The following LSAMP variants were observed in gnomAD, a reference collection of about 807,000 sequenced individuals.
The protein encoded by LSAMP is limbic system associated membrane protein, also known as limbic system-associated membrane protein.
LSAMP carries 7 observed loss-of-function variants against 38.6 expected under a neutral mutation model. The observed-to-expected ratio is 0.18, with a 90% CI of 0.10 to 0.34. The LOEUF is 0.34. Ranked by LOEUF, LSAMP falls within the 10% of genes least tolerant of loss-of-function variation. LSAMP has a pLI of 1.00. For missense variants in LSAMP, 313 were observed against 420.0 expected, an observed-to-expected ratio of 0.75 and a Z score of 2.23; for synonymous variants, 154 against 166.8, an observed-to-expected ratio of 0.92 and a Z score of 0.59.
At chr3:116,279,938 A>G (rs190842087) in intron 1 of LSAMP, among the ~76,000 whole-genome samples, 1 of 152,310 alleles carries the variant, frequency 6.6e-6, no homozygotes, top group African/African-American at 2.4e-5. Flanking sequence ...CTATTATTTA[A>G]GTTCAATACC....
chr3:116,438,181 G>C lies in LSAMP; in HGVS notation c.155+6696C>G, dbSNP rs370132205. The stretch of plus-strand genomic sequence containing the variant: ...ATAATAAAAACATCGTAGTGCAAAT[G>C]GCCTGTGTATAGCATAGAAATAAGA... On this transcript the variant is annotated intron_variant, in intron 1 of 6. Coordinates refer to ENST00000490035, the MANE Select transcript of LSAMP (RefSeq NM_002338.5). Among the ~76,000 whole-genome samples the C allele has an allele frequency of 9.2e-5, 14 of 151,784 alleles. No individual in the cohort carries two copies. The East Asian group carries it at 2.7e-3, about 29-fold the overall frequency.
At chr3:115,867,511 G>T (rs575768483) in intron 3 of LSAMP, among the ~76,000 whole-genome samples, 1 of 152,178 alleles carries the variant, frequency 6.6e-6, no homozygotes, top group South Asian at 2.1e-4. Context: ...TATCTGACCC[G>T]CTGTGCTGAG....
chr3:116,403,687 T>C (rs1480068304), intron 1 of LSAMP, among the ~76,000 whole-genome samples: 3 of 152,192 alleles, frequency 2.0e-5, no homozygotes, highest in Non-Finnish European at 4.4e-5. Flanking sequence ...AGTGAATGTG[T>C]CTCATACATG....
intron 1 of LSAMP, among the ~76,000 whole-genome samples, chr3:116,391,719 G>A (rs2048701667): frequency 6.6e-6 from 1 of 152,200 alleles, no homozygotes; most frequent in Non-Finnish European, 1.5e-5. Flanking sequence ...CGTCTGGAGC[G>A]GCTGGAGCAT....
rs200826305 is a variant in LSAMP at position 116,058,764 on chromosome 3, G to T, written c.388+27560C>A. Among the ~76,000 whole-genome samples the T allele has an allele frequency of 8.6e-4, 131 of 152,268 alleles. 2 individuals carry two copies. Among genetic ancestry groups the T allele is most frequent in the East Asian group, 7.5e-3 (39 of 5,184 alleles). On this transcript the variant is annotated intron_variant, in intron 2 of 6. Transcript: ENST00000490035. ...TCAAATTCAGAACACTTTAGGAATA[G>T]AAAAAGCACAAACCCTATTTATATC... is the stretch of plus-strand genomic sequence containing the variant.
chr3:115,963,231 T>C (rs1210898812), intron 3 of LSAMP, among the ~76,000 whole-genome samples: 1 of 152,238 alleles, frequency 6.6e-6, no homozygotes, highest in Non-Finnish European at 1.5e-5. Flanking sequence ...ACATGTACCA[T>C]AATTAATCCA....
intron 3 of LSAMP, among the ~76,000 whole-genome samples, chr3:115,873,483 C>A (rs1024341752): frequency 6.6e-6 from 1 of 151,642 alleles, no homozygotes; most frequent in Non-Finnish European, 1.5e-5. Flanking sequence ...CAGAGCAAAT[C>A]TAGAAAATAA....
intron 3 of LSAMP, among the ~76,000 whole-genome samples, chr3:115,951,104 A>G (rs1363358687): frequency 1.3e-5 from 2 of 152,230 alleles, no homozygotes; most frequent in African/African-American, 4.8e-5. Flanking sequence ...CTAATTTCTT[A>G]CCTTATACAA....
At chr3:116,342,311 C>T (rs1477084871) in intron 1 of LSAMP, among the ~76,000 whole-genome samples, 1 of 151,994 alleles carries the variant, frequency 6.6e-6, no homozygotes, top group Non-Finnish European at 1.5e-5. Context: ...AATTGAATGT[C>T]CTCATCCTTA....
intron 6 of LSAMP, among the ~76,000 whole-genome samples, chr3:115,833,696 T>C (rs1467852685): frequency 1.3e-5 from 2 of 152,180 alleles, no homozygotes. Context: ...ATGGTGTGTA[T>C]GATAATCTTG....
chr3:116,282,666 G>A (rs973615401), intron 1 of LSAMP, among the ~76,000 whole-genome samples: 2 of 152,062 alleles, frequency 1.3e-5, no homozygotes, highest in Non-Finnish European at 2.9e-5. Context: ...AGCAAAAAAT[G>A]CTCTGGAATG....
chr3:115,995,704 A>G (rs1355520853), intron 3 of LSAMP, among the ~76,000 whole-genome samples: 1 of 152,102 alleles, frequency 6.6e-6, no homozygotes, highest in Non-Finnish European at 1.5e-5. Context: ...AATTGACTTT[A>G]CATGTTAGTA....
intron 1 of LSAMP, among the ~76,000 whole-genome samples, chr3:116,397,224 T>A (rs1458174782): frequency 6.6e-6 from 1 of 152,150 alleles, no homozygotes; most frequent in Non-Finnish European, 1.5e-5. Context: ...TTTGATTTCA[T>A]GTATTTTCTC....
intron 2 of LSAMP, among the ~76,000 whole-genome samples, chr3:116,064,008 G>C (rs971392103): frequency 1.3e-5 from 2 of 152,198 alleles, no homozygotes; most frequent in African/African-American, 4.8e-5. Flanking sequence ...TGGTAACATA[G>C]AGTAATGAAT....
intron 3 of LSAMP, among the ~76,000 whole-genome samples, chr3:115,877,746 C>T (rs1470544085): frequency 6.6e-6 from 1 of 152,132 alleles, no homozygotes; most frequent in Non-Finnish European, 1.5e-5. Context: ...AGCTTCTAAT[C>T]ACGTGGGCAT....
At position 115,869,269 on chromosome 3, in the gene LSAMP, GGAGAGA is replaced by G. The variant is rs35112915; in HGVS notation, c.515-16658_515-16653del. Among the ~76,000 whole-genome samples, 776 of 128,506 alleles carry G rather than the reference GGAGAGA, an allele frequency of 6.0e-3. 3 individuals are homozygous for G. Among genetic ancestry groups the G allele is most frequent in the Non-Finnish European group, 0.01 (600 of 59,014 alleles). 84.3% of individuals were successfully genotyped at this position (128,506 alleles called of 152,430 possible). On this transcript the variant is annotated intron_variant, in intron 3 of 6. Coordinates refer to ENST00000490035, the MANE Select transcript of LSAMP (RefSeq NM_002338.5). The stretch of plus-strand genomic sequence containing the variant: ...CCTTCATAACCTCTATCTTGGAGGG[GGAGAGA>G]GAGAGAGAGAGAGAGAGAGAGAGAG...
At chr3:116,425,619 C>T (rs892215244) in intron 1 of LSAMP, among the ~76,000 whole-genome samples, 4 of 152,050 alleles carry the variant, frequency 2.6e-5, no homozygotes, top group African/African-American at 7.2e-5. Context: ...CCAAGTTACT[C>T]CTGTAATCTC....
chr3:116,184,620 G>A lies in LSAMP; in HGVS notation c.156-98064C>T, dbSNP rs140337641. Among the ~76,000 whole-genome samples the A allele has an allele frequency of 3.3e-3, 498 of 152,056 alleles. 3 individuals carry two copies. The highest frequency in any genetic ancestry group is 0.011 in the African/African-American group (469 of 41,544). ...TTTAGCAGGAGGGTTTGAAGATTGTGTTGCAGGTACCTGCAGGCACACTTG... is the reference window on the plus strand; with the variant it reads ...TTTAGCAGGAGGGTTTGAAGATTGTATTGCAGGTACCTGCAGGCACACTTG... On this transcript the variant is annotated intron_variant, in intron 1 of 6. Transcript: ENST00000490035.
intron 1 of LSAMP, among the ~76,000 whole-genome samples, chr3:116,276,683 A>AG (rs1559809699): frequency 2.0e-5 from 3 of 148,274 alleles, no homozygotes; most frequent in Admixed American, 6.6e-5. Flanking sequence ...ATAAAAAAAA[A>AG]GAAAAAAAAA....
Sources: gnomAD v4.1 joint callset for allele counts (sites outside exome capture counted in the v4.1 genomes callset) on GRCh38, gnomAD v4.1.1 for gene constraint, MANE v1.5 for transcripts, NCBI Gene and HGNC (gene_info 2026-07-23, HGNC 2026-07-21) for gene names.